The following DNAH9 variants were observed in gnomAD, a reference collection of about 807,000 sequenced individuals.
DNAH9 encodes the protein dynein axonemal heavy chain 9.
A neutral mutation model predicts 471.6 loss-of-function variants in DNAH9; 345 were observed. The ratio of observed to expected loss-of-function variants is 0.73; its 90% CI spans 0.67 to 0.80. The LOEUF is 0.80. DNAH9 is among the 30% of genes least tolerant of loss of function. The pLI, the probability that DNAH9 is intolerant of heterozygous loss-of-function variation, is 0.00. For synonymous variants in DNAH9, 2,093 were observed against 2,123.6 expected, an observed-to-expected ratio of 0.99 and a Z score of 0.40; for missense variants, 5,407 against 5,609.2, an observed-to-expected ratio of 0.96 and a Z score of 1.15.
intron 28 of DNAH9, among the ~76,000 whole-genome samples, chr17:11,730,352 G>A (rs1186898789): frequency 2.0e-5 from 3 of 152,158 alleles, no homozygotes; most frequent in South Asian, 2.1e-4. Context: ...CTCTCCTGGA[G>A]AGCTGGTTGT....
At chr17:11,859,223 G>A (rs1971740474) in intron 50 of DNAH9, among the ~76,000 whole-genome samples, 1 of 151,876 alleles carries the variant, frequency 6.6e-6, no homozygotes, top group Non-Finnish European at 1.5e-5. Flanking sequence ...GACCACCTCG[G>A]CCCACATGGT....
chr17:11,684,137 A>C (rs1460943775), intron 19 of DNAH9, among the ~76,000 whole-genome samples: 1 of 152,144 alleles, frequency 6.6e-6, no homozygotes, highest in Non-Finnish European at 1.5e-5. Context: ...ATCATTTATA[A>C]ATTTCTAAAG....
chr17:11,797,833 C>T (rs1028729931), intron 43 of DNAH9, 40 bp downstream of exon 43: 2 of 1,583,228 alleles, frequency 1.3e-6, no homozygotes, highest in Non-Finnish European at 1.7e-6. Context: ...CAGTTGCTTC[C>T]TCTTCCCAAT....
chr17:11,867,482 C>A lies in DNAH9; in HGVS notation c.9934-1652C>A, dbSNP rs905447596. 3.3e-5 allele frequency among the ~76,000 whole-genome samples: 5 copies of A among 151,866 alleles called. No homozygotes were observed. In the South Asian group the frequency reaches 1.0e-3, roughly 32 times the overall value. On this transcript the variant is annotated intron_variant, in intron 50 of 68. Coordinates refer to ENST00000262442, the MANE Select transcript of DNAH9 (RefSeq NM_001372.4). ...CACAAGAGTTTTTTTTTGTTATTCT[C>A]TCTTCCTTTTAATAACATCCTGTTC... is the stretch of plus-strand genomic sequence containing the variant.
At chr17:11,858,282 C>A (rs889839284) in intron 50 of DNAH9, among the ~76,000 whole-genome samples, 1 of 152,182 alleles carries the variant, frequency 6.6e-6, no homozygotes. Flanking sequence ...CCTTTTAATT[C>A]GTATATCTGT....
At chr17:11,670,817 C>T (rs1331770178) in intron 17 of DNAH9, among the ~76,000 whole-genome samples, 3 of 151,986 alleles carry the variant, frequency 2.0e-5, no homozygotes, top group Non-Finnish European at 2.9e-5. Context: ...GATTCTCCTA[C>T]CTCAGCATCC....
Position 11,894,623 on chromosome 17 carries a change from G to A in DNAH9, c.11406+127G>A, listed in dbSNP as rs561803972. The stretch of plus-strand genomic sequence containing the variant: ...GCATGGAGCTGTGTTAAACATAGGC[G>A]CATCCCTTTCCTTGCGTCCCCACAG... On this transcript the variant is annotated intron_variant, in intron 59 of 68. Transcript: ENST00000262442. The A allele has an allele frequency of 1.5e-3, 1,927 of 1,267,454 alleles. 6 individuals are homozygous for A. The highest frequency in any genetic ancestry group is 2.0e-3 in the Non-Finnish European group (1,824 of 927,524). 78.5% of individuals were successfully genotyped at this position (1,267,454 alleles called of 1,614,324 possible).
At chr17:11,950,395 CTTT>C (rs1327050343) in intron 67 of DNAH9, among the ~76,000 whole-genome samples, 3 of 152,106 alleles carry the variant, frequency 2.0e-5, no homozygotes, top group African/African-American at 7.2e-5. Context: ...ATATTTTAAA[CTTT>C]TTTGTTTTCA....
At chr17:11,666,855 C>T (rs2073878777) in intron 15 of DNAH9, among the ~76,000 whole-genome samples, 1 of 152,184 alleles carries the variant, frequency 6.6e-6, no homozygotes, top group Admixed American at 6.5e-5. Flanking sequence ...ACTTCTTTGA[C>T]CTTTGGAGTC....
chr17:11,649,569 T>C (rs1427942526), intron 12 of DNAH9, among the ~76,000 whole-genome samples: 2 of 152,204 alleles, frequency 1.3e-5, no homozygotes, highest in African/African-American at 2.4e-5. Context: ...ATGGAATTTC[T>C]GGGCTAACGG....
intron 8 of DNAH9, 99 bp from the exon 9 acceptor site, chr17:11,636,535 G>T: frequency 2.4e-6 from 2 of 833,136 alleles, no homozygotes; most frequent in Non-Finnish European, 3.9e-6. Flanking sequence ...TTCTTACATT[G>T]GTAGGCATAT....
At chr17:11,918,829 T>C (rs1221950339) in intron 61 of DNAH9, among the ~76,000 whole-genome samples, 2 of 151,844 alleles carry the variant, frequency 1.3e-5, no homozygotes, top group Non-Finnish European at 2.9e-5. Context: ...CTACTAAAAA[T>C]ACAAAAATTA....
chr17:11,886,765 T>C lies in DNAH9; in HGVS notation c.10972-60T>C, dbSNP rs200765996. The C allele has an allele frequency of 1.8e-3, 2,793 of 1,549,794 alleles. 7 individuals carry two copies. The highest frequency in any genetic ancestry group is 3.1e-3 in the Admixed American group (163 of 53,218). ...TGTCTACTCACACAGAGGGGCCAAG[T>C]TGATTCTCAGGAAGCCCAGGTTGGT... On this transcript the variant is annotated intron_variant, in intron 56 of 68. Coordinates refer to ENST00000262442, the MANE Select transcript of DNAH9 (RefSeq NM_001372.4).
chr17:11,828,713 A>T (rs754451077), intron 48 of DNAH9, among the ~76,000 whole-genome samples: 1 of 152,068 alleles, frequency 6.6e-6, no homozygotes, highest in Non-Finnish European at 1.5e-5. Flanking sequence ...ACATCTCTGT[A>T]TCTTTACATG....
intron 15 of DNAH9, among the ~76,000 whole-genome samples, chr17:11,665,731 A>G (rs1167413988): frequency 6.6e-6 from 1 of 152,228 alleles, no homozygotes; most frequent in Non-Finnish European, 1.5e-5. Flanking sequence ...CTATAGAAGG[A>G]TTTGTCAAAA....
At chr17:11,780,108 A>G (rs930783991) in intron 38 of DNAH9, among the ~76,000 whole-genome samples, 2 of 152,226 alleles carry the variant, frequency 1.3e-5, no homozygotes, top group African/African-American at 2.4e-5. Flanking sequence ...GTTTGTTCTA[A>G]ACAAGTCCTG....
chr17:11,617,851 AAG>A (rs2072778002), intron 5 of DNAH9, among the ~76,000 whole-genome samples: 2 of 152,172 alleles, frequency 1.3e-5, no homozygotes, highest in Non-Finnish European at 2.9e-5. Context: ...CCCTCTGCCT[AAG>A]AGGGGATAAG....
chr17:11,883,571 G>C lies in DNAH9; in HGVS notation c.10807-15G>C. 2 of 1,613,524 alleles carry C rather than the reference G, an allele frequency of 1.2e-6. No individual in the cohort carries two copies. The highest frequency in any genetic ancestry group is 2.2e-5 in the East Asian group (1 of 44,866). On this transcript the variant is annotated splice_polypyrimidine_tract_variant and intron_variant, in intron 55 of 68. Transcript: ENST00000262442. ...GGGCATCTGCACCTGACTGTCTCTT[G>C]CTTGATATTTGCAGTCCGATCTCAC...
chr17:11,872,354 C>G (rs981821952), intron 52 of DNAH9, among the ~76,000 whole-genome samples: 3 of 151,098 alleles, frequency 2.0e-5, no homozygotes, highest in African/African-American at 7.3e-5. Flanking sequence ...CAACCCATCC[C>G]TTTACATCAC....
Sources: allele counts gnomAD v4.1 joint callset (sites outside exome capture counted in the v4.1 genomes callset), GRCh38; gene constraint gnomAD v4.1.1; transcripts MANE v1.5; gene names NCBI Gene and HGNC (gene_info 2026-07-23, HGNC 2026-07-21).